Variants in MTA3 observed in about 807,000 individuals in gnomAD.
MTA3 encodes the protein metastasis associated 1 family member 3, also known as metastasis-associated protein MTA3.
In MTA3, 34 loss-of-function variants were observed where a neutral mutation model predicts 83.5. The observed-to-expected ratio is 0.41, with a 90% CI of 0.31 to 0.54. MTA3 has a LOEUF of 0.54. Ranked by LOEUF, MTA3 falls within the 20% of genes least tolerant of loss-of-function variation. The pLI is 0.33. For synonymous variants in MTA3, 303 were observed against 252.7 expected (o/e 1.20, Z -1.89); for missense variants, 761 against 726.4 (o/e 1.05, Z -0.55).
At chr2:42,710,775 A>AT (rs1291017846) in intron 14 of MTA3, among the ~76,000 whole-genome samples, 2 of 152,090 alleles carry the variant, frequency 1.3e-5, no homozygotes, top group Non-Finnish European at 2.9e-5. Context: ...TTTTCATGTA[A>AT]TTTTTTAAAT....
At chr2:42,659,742 T>C (rs1306735639) in intron 7 of MTA3, 21 bp from the exon 8 acceptor site, 13 of 1,484,984 alleles carry the variant, frequency 8.8e-6, no homozygotes, top group Admixed American at 2.3e-5. Flanking sequence ...TTCTTCCTTA[T>C]TGTGTTTGTG....
At chr2:42,718,875 T>A in intron 14 of MTA3, 113 bp from the exon 15 acceptor site, 1 of 706,110 alleles carries the variant, frequency 1.4e-6, no homozygotes, top group Non-Finnish European at 2.3e-6. Flanking sequence ...TATGCGGGAA[T>A]CTGGTGGCTA....
chr2:42,598,642 T>G (rs780488881), intron 3 of MTA3, among the ~76,000 whole-genome samples: 2 of 152,222 alleles, frequency 1.3e-5, no homozygotes, highest in South Asian at 4.1e-4. Context: ...ATATACTGCA[T>G]TTTGTTATAT....
At chr2:42,585,082 A>AAAT (rs1039148144) in intron 3 of MTA3, among the ~76,000 whole-genome samples, 25 of 150,874 alleles carry the variant, frequency 1.7e-4, no homozygotes, top group Admixed American at 8.6e-4. Context: ...CATAATAATC[A>AAAT]AATAATAATA....
intron 2 of MTA3, among the ~76,000 whole-genome samples, chr2:42,548,638 C>CT (rs936629756): frequency 6.9e-6 from 1 of 145,096 alleles, no homozygotes; most frequent in African/African-American, 2.6e-5. Flanking sequence ...ACAGAAAACT[C>CT]TATCTCCACA....
Position 42,695,815 on chromosome 2 carries a change from A to T in MTA3, c.942A>T (p.Lys314Asn). Residue 314 changes from lysine to asparagine, a missense_variant, in exon 10 of 17, where the codon AAA becomes AAT. Lys to Asn is a moderately conservative substitution (Grantham distance 94, BLOSUM62 0). Transcript: ENST00000405094. ...TCATTGAATATTATTACATGTGGAAAACTACTGACAGATATGTGCAACAGG... is the reference window on the plus strand; with the variant it reads ...TCATTGAATATTATTACATGTGGAATACTACTGACAGATATGTGCAACAGG... The part of the protein sequence containing the change: ...TSIIEYYYMW[K>N]TTDRYVQQKR... 6.3e-7 allele frequency: 1 copy of T among 1,588,636 alleles called. No individual in the cohort carries two copies.
chr2:42,739,893 T>A (rs1668896811), intron 16 of MTA3, among the ~76,000 whole-genome samples: 1 of 152,250 alleles, frequency 6.6e-6, no homozygotes, highest in African/African-American at 2.4e-5. Flanking sequence ...ATCATGAGAT[T>A]GTAGCAATTT....
chr2:42,559,036 C>T (rs915639452), intron 2 of MTA3, among the ~76,000 whole-genome samples: 5 of 152,140 alleles, frequency 3.3e-5, no homozygotes, highest in Admixed American at 3.3e-4. Context: ...ACCCACACTC[C>T]CTCTCCTGGC....
chr2:42,679,561 A>T (rs1691681459), intron 8 of MTA3, among the ~76,000 whole-genome samples: 2 of 152,220 alleles, frequency 1.3e-5, no homozygotes, highest in Admixed American at 6.5e-5. Flanking sequence ...CAGTGGTGGC[A>T]AAGAAGAGTT....
At chr2:42,633,542 G>A (rs1686885981) in intron 4 of MTA3, among the ~76,000 whole-genome samples, 1 of 152,072 alleles carries the variant, frequency 6.6e-6, no homozygotes, top group Admixed American at 6.5e-5. Context: ...TCACGCCACT[G>A]CACTCTGACC....
intron 2 of MTA3, among the ~76,000 whole-genome samples, chr2:42,548,869 T>TA (rs1255080488): frequency 3.8e-4 from 5 of 13,328 alleles, no homozygotes; most frequent in African/African-American, 2.0e-3. Context: ...AATATATATA[T>TA]ATATATAATA....
chr2:42,568,898 G>T lies in MTA3; in HGVS notation c.28+125G>T, dbSNP rs940562921. On this transcript the variant is annotated intron_variant, in intron 1 of 16. Transcript: ENST00000405094. ...GGCTGAGGTCGCAGTGGGCTGGGGC[G>T]CCGGGGCCCGCAGAGGGGCCGGGAC... 138 of 963,576 alleles carry T rather than the reference G, an allele frequency of 1.4e-4. 1 individual carries two copies. The highest frequency in any genetic ancestry group is 2.9e-5 in the Non-Finnish European group (22 of 755,978). 59.7% of individuals were successfully genotyped at this position (963,576 alleles called of 1,614,324 possible).
intron 7 of MTA3, among the ~76,000 whole-genome samples, 194 bp downstream of exon 7, chr2:42,656,496 T>C (rs1217747458): frequency 6.6e-6 from 1 of 152,216 alleles, no homozygotes; most frequent in East Asian, 1.9e-4. Context: ...AAAATAGTTG[T>C]ATTAATTTTT....
At chr2:42,509,669 G>A (rs201560139) in intron 2 of MTA3, among the ~76,000 whole-genome samples, 3 of 152,192 alleles carry the variant, frequency 2.0e-5, no homozygotes, top group Non-Finnish European at 4.4e-5. Context: ...TACTTGGGAG[G>A]CTGAGGTGGG....
chr2:42,694,104 C>T (rs758416878), intron 9 of MTA3, among the ~76,000 whole-genome samples: 5 of 152,200 alleles, frequency 3.3e-5, no homozygotes, highest in African/African-American at 1.2e-4. Context: ...GTGCCCTGTC[C>T]TACTGTGGCT....
intron 2 of MTA3, among the ~76,000 whole-genome samples, chr2:42,555,455 CAAAAAAAAAAA>C (rs146740409): frequency 1.8e-4 from 10 of 54,352 alleles, no homozygotes; most frequent in African/African-American, 8.3e-4. Flanking sequence ...AACTCCATCT[CAAAAAAAAAAA>C]AAAAAAAAAA....
chr2:42,533,411 C>G (rs1180185916), intron 2 of MTA3: 1 of 151,780 alleles, frequency 6.6e-6, no homozygotes, highest in Non-Finnish European at 1.5e-5. Flanking sequence ...TCTAAAAGGC[C>G]TAGAGAACAC....
intron 14 of MTA3, 192 bp downstream of exon 14, chr2:42,709,288 A>T (rs1666398547): frequency 1.4e-6 from 2 of 1,419,164 alleles, no homozygotes; most frequent in Admixed American, 3.1e-5. Context: ...GGAAAAAAAA[A>T]ATCAAAACAT....
At chr2:42,715,948 A>T (rs1435716755) in intron 14 of MTA3, among the ~76,000 whole-genome samples, 2 of 152,198 alleles carry the variant, frequency 1.3e-5, no homozygotes, top group Non-Finnish European at 2.9e-5. Context: ...CCTTATCCCA[A>T]ATATAACTTG....
Sources: gnomAD v4.1 joint callset for allele counts (sites outside exome capture counted in the v4.1 genomes callset) on GRCh38, gnomAD v4.1.1 for gene constraint, MANE v1.5 for transcripts, NCBI Gene and HGNC (gene_info 2026-07-23, HGNC 2026-07-21) for gene names.